GLDC: variants seen among roughly 807,000 people sequenced by gnomAD.
The protein encoded by GLDC is glycine dehydrogenase (decarboxylating), mitochondrial.
A neutral mutation model predicts 121.3 loss-of-function variants in GLDC; 104 were observed. The ratio of observed to expected loss-of-function variants is 0.86; its 90% confidence interval spans 0.73 to 1.01. GLDC has a LOEUF of 1.01. GLDC is among the 50% of genes least tolerant of loss of function. GLDC has a pLI of 0.00. For missense variants in GLDC, 1,429 were observed against 1,306.6 expected (o/e 1.09, Z -1.44); for synonymous variants, 546 against 480.6 (o/e 1.14, Z -1.78).
intron 2 of GLDC, among the ~76,000 whole-genome samples, chr9:6,635,362 A>T (rs1465596970): frequency 6.6e-6 from 1 of 152,198 alleles, no homozygotes; most frequent in East Asian, 1.9e-4. Context: ...AGCAAACACC[A>T]ATCCAAAAAC....
At chr9:6,639,195 G>C (rs1401451513) in intron 2 of GLDC, 6 of 861,662 alleles carry the variant, frequency 7.0e-6, no homozygotes, top group Non-Finnish European at 1.2e-5. Flanking sequence ...CGAAGCCAAA[G>C]AGAATGCTTT....
chr9:6,603,655 CA>C (rs1411694589), intron 7 of GLDC, among the ~76,000 whole-genome samples: 1 of 151,932 alleles, frequency 6.6e-6, no homozygotes, highest in Non-Finnish European at 1.5e-5. Context: ...AGGTCAAAAA[CA>C]TAATTTTTTT....
intron 15 of GLDC, among the ~76,000 whole-genome samples, chr9:6,578,298 G>C (rs1818111916): frequency 6.6e-6 from 1 of 151,612 alleles, no homozygotes; most frequent in Non-Finnish European, 1.5e-5. Context: ...TTTTTAATTT[G>C]TACAAAGAGG....
At chr9:6,625,147 G>A (rs531805202) in intron 2 of GLDC, among the ~76,000 whole-genome samples, 2 of 152,248 alleles carry the variant, frequency 1.3e-5, no homozygotes, top group African/African-American at 4.8e-5. Context: ...TGGTGCTATG[G>A]TTCTGGGATA....
In GLDC at chr9:6,588,404, G is replaced by A. The variant is rs919319637; in HGVS notation, c.1704C>T (p.Leu568=). The A allele has an allele frequency of 6.2e-6, 10 of 1,609,676 alleles. No homozygotes were observed. The highest frequency in any genetic ancestry group is 4.5e-5 in the East Asian group (2 of 44,850). Reference sequence around the variant, plus strand: ...CTTACAGAAGTGAGCTACTTACTGCGAGTTCAGACGAACTGTTCAGTTTCA... The same window carrying A: ...CTTACAGAAGTGAGCTACTTACTGCAAGTTCAGACGAACTGTTCAGTTTCA... ...CTMKLNSSSE[L]APITWKEFAN... Residue 568 remains leucine (L), a synonymous_variant, in exon 14 of 25, where the codon CTC becomes CTT. Transcript: ENST00000321612.
intron 2 of GLDC, among the ~76,000 whole-genome samples, chr9:6,627,386 A>G (rs1458419615): frequency 6.6e-6 from 1 of 152,062 alleles, no homozygotes; most frequent in Non-Finnish European, 1.5e-5. Context: ...ACTGTCAAAC[A>G]TGAGACAAAG....
At chr9:6,582,486 G>A (rs867918213) in intron 15 of GLDC, among the ~76,000 whole-genome samples, 8 of 149,422 alleles carry the variant, frequency 5.4e-5, no homozygotes, top group East Asian at 2.0e-4. Flanking sequence ...GCGCCACTGC[G>A]CTCCAGGCTG....
chr9:6,554,723 T>C lies in GLDC; in HGVS notation c.2261A>G (p.Lys754Arg). The C allele has an allele frequency of 6.2e-7, 1 of 1,613,342 alleles. No individual in the cohort carries two copies. The highest frequency in any genetic ancestry group is 8.5e-7 in the Non-Finnish European group (1 of 1,179,986). Residue 754 changes from lysine to arginine, a missense_variant, in exon 19 of 25, where the codon AAG (lysine) becomes AGG (arginine). Physicochemically the swap from Lys to Arg is conservative, Grantham distance 26 (BLOSUM62 2). Transcript: ENST00000321612. Reference sequence around the variant, plus strand: ...TCCTCCGTGGGGAATGCAGAAGGTCTTGTGAAGATTTAGGTGCGAGACATC... The same window carrying C: ...TCCTCCGTGGGGAATGCAGAAGGTCCTGTGAAGATTTAGGTGCGAGACATC... Reference protein sequence around the residue: ...GSDVSHLNLHKTFCIPHGGGG... With the variant: ...GSDVSHLNLHRTFCIPHGGGG...
At chr9:6,623,679 T>G (rs1819170340) in intron 2 of GLDC, among the ~76,000 whole-genome samples, 1 of 152,196 alleles carries the variant, frequency 6.6e-6, no homozygotes, top group African/African-American at 2.4e-5. Context: ...AAGAGAGTCT[T>G]GAAGTTATTA....
intron 2 of GLDC, among the ~76,000 whole-genome samples, chr9:6,643,348 A>C (rs950292326): frequency 6.6e-6 from 1 of 151,526 alleles, no homozygotes; most frequent in Non-Finnish European, 1.5e-5. Flanking sequence ...TAGCCTGAGC[A>C]GCCAACCTGA....
intron 3 of GLDC, 21 bp downstream of exon 3, chr9:6,620,163 C>G: frequency 6.2e-7 from 1 of 1,610,728 alleles, no homozygotes; most frequent in Non-Finnish European, 8.5e-7. Flanking sequence ...CATCCTGTTC[C>G]TGAACTGAGA....
intron 16 of GLDC, among the ~76,000 whole-genome samples, chr9:6,562,766 G>A (rs1817783502): frequency 6.6e-6 from 1 of 152,100 alleles, no homozygotes; most frequent in African/African-American, 2.4e-5. Flanking sequence ...TTGCTATGTT[G>A]GCCAGGCTGG....
At chr9:6,593,174 C>A in intron 9 of GLDC, 184 bp from the exon 10 acceptor site, 1 of 617,454 alleles carries the variant, frequency 1.6e-6, no homozygotes, top group Non-Finnish European at 2.9e-6. Context: ...TTATGAAATA[C>A]ATATAAAAGA....
chr9:6,584,736 TA>T (rs1423552116), intron 15 of GLDC, among the ~76,000 whole-genome samples: 2 of 152,218 alleles, frequency 1.3e-5, no homozygotes, highest in Non-Finnish European at 2.9e-5. Flanking sequence ...TATCTAAGCC[TA>T]AACATTGTGC....
intron 8 of GLDC, among the ~76,000 whole-genome samples, chr9:6,601,776 C>T (rs570791814): frequency 2.6e-5 from 4 of 152,214 alleles, no homozygotes; most frequent in African/African-American, 7.2e-5. Flanking sequence ...AGGAGCATAC[C>T]ACCACTGACG....
At chr9:6,574,174 C>G (rs966843010) in intron 15 of GLDC, among the ~76,000 whole-genome samples, 4 of 152,092 alleles carry the variant, frequency 2.6e-5, no homozygotes, top group South Asian at 2.1e-4. Context: ...AGTTCCCAGA[C>G]AATAGAAAGC....
intron 18 of GLDC, 141 bp from the exon 19 acceptor site, chr9:6,554,922 T>G (rs951947692): frequency 1.4e-6 from 1 of 718,986 alleles, no homozygotes; most frequent in Non-Finnish European, 2.5e-6. Flanking sequence ...CACAGAAATG[T>G]CCTCTATACT....
chr9:6,546,281 T>A (rs1372632671), intron 21 of GLDC, among the ~76,000 whole-genome samples: 1 of 151,772 alleles, frequency 6.6e-6, no homozygotes, highest in Non-Finnish European at 1.5e-5. Context: ...CAGCCTCAAC[T>A]TCCCAGGCTC....
chr9:6,602,944 T>G (rs1416901301), intron 7 of GLDC, among the ~76,000 whole-genome samples: 1 of 152,116 alleles, frequency 6.6e-6, no homozygotes, highest in Non-Finnish European at 1.5e-5. Flanking sequence ...ACAAATTTTA[T>G]GAGCCGCGCA....
Sources: gnomAD v4.1 joint callset for allele counts (sites outside exome capture counted in the v4.1 genomes callset) on GRCh38, gnomAD v4.1.1 for gene constraint, MANE v1.5 for transcripts, NCBI Gene and HGNC (gene_info 2026-07-23, HGNC 2026-07-21) for gene names.